Variants in RHOBTB2 observed in about 807,000 individuals in gnomAD.
The protein encoded by RHOBTB2 is rho-related BTB domain-containing protein 2.
A neutral mutation model predicts 66.5 loss-of-function variants in RHOBTB2; 39 were observed. The observed-to-expected ratio is 0.59, with a 90% CI of 0.45 to 0.77. RHOBTB2 has a LOEUF of 0.77. Ranked by LOEUF, RHOBTB2 falls within the 30% of genes least tolerant of loss-of-function variation. The probability of loss-of-function intolerance (pLI) is 0.00; values close to 1 mark genes in which losing one functional copy is unlikely to be tolerated. For missense variants in RHOBTB2, 755 were observed against 999.1 expected, an observed-to-expected ratio of 0.76 and a Z score of 3.29; for synonymous variants, 390 against 395.0, an observed-to-expected ratio of 0.99 and a Z score of 0.15.
chr8:22,993,407 G>A (rs1010016963), intron 2 of RHOBTB2, among the ~76,000 whole-genome samples: 1 of 152,148 alleles, frequency 6.6e-6, no homozygotes, highest in Admixed American at 6.5e-5. Flanking sequence ...AGATGGCAGA[G>A]GCACAAATGG....
chr8:22,989,996 G>C (rs1810385188), intron 1 of RHOBTB2, among the ~76,000 whole-genome samples: 1 of 152,142 alleles, frequency 6.6e-6, no homozygotes, highest in African/African-American at 2.4e-5. Context: ...GGATTGTTTT[G>C]AAATTTAAAT....
At chr8:22,990,789 C>A (rs953152711) in intron 1 of RHOBTB2, among the ~76,000 whole-genome samples, 1 of 152,168 alleles carries the variant, frequency 6.6e-6, no homozygotes, top group Non-Finnish European at 1.5e-5. Flanking sequence ...CCGCTCAACC[C>A]AGGCCCCCGC....
chr8:22,993,185 G>A (rs1228809682), intron 2 of RHOBTB2, among the ~76,000 whole-genome samples: 1 of 152,098 alleles, frequency 6.6e-6, no homozygotes, highest in Non-Finnish European at 1.5e-5. Flanking sequence ...GGGAGAATGT[G>A]TTCTTGCTCT....
chr8:22,993,128 G>A (rs763566883), intron 2 of RHOBTB2, among the ~76,000 whole-genome samples: 17 of 152,200 alleles, frequency 1.1e-4, no homozygotes, highest in South Asian at 2.1e-4. Context: ...GCCAAGGTGC[G>A]CATGGGATTT....
chr8:22,999,518 G>A (rs1810692346), upstream of RHOBTB2: 2 of 1,037,452 alleles, frequency 1.9e-6, no homozygotes, highest in African/African-American at 1.8e-5. Context: ...CCCCCCGAAC[G>A]CTTTCCACCA....
upstream of RHOBTB2, chr8:22,994,606 C>T: frequency 5.2e-6 from 8 of 1,551,606 alleles, no homozygotes; most frequent in Non-Finnish European, 7.0e-6. Flanking sequence ...AGAAAAGGCC[C>T]CGATGGCCCC....
the RHOBTB2 span, among the ~76,000 whole-genome samples, chr8:22,951,314 C>T: frequency 7.5e-6 from 1 of 133,492 alleles, no homozygotes; most frequent in African/African-American, 2.9e-5. Flanking sequence ...TGCAGTGGCG[C>T]GATCTCAGCT....
At chr8:22,965,494 A>G in the RHOBTB2 span, among the ~76,000 whole-genome samples, 1 of 152,230 alleles carries the variant, frequency 6.6e-6, no homozygotes, top group Admixed American at 6.5e-5. Context: ...AAAAAGCACA[A>G]TAAAGTTAGA....
the RHOBTB2 span, among the ~76,000 whole-genome samples, chr8:22,968,311 A>AAT: frequency 6.6e-6 from 1 of 152,140 alleles, no homozygotes; most frequent in Non-Finnish European, 1.5e-5. Context: ...TTAAATCATA[A>AAT]ATATATATGG....
Position 23,007,264 on chromosome 8 carries a change from T to A in RHOBTB2, c.1019T>A (p.Leu340His). 1 of 1,612,942 alleles carries A rather than the reference T, an allele frequency of 6.2e-7. No homozygotes were observed. The highest frequency in any genetic ancestry group is 8.5e-7 in the Non-Finnish European group (1 of 1,179,964). Residue 340 changes from leucine to histidine, a missense_variant, in exon 5 of 10, where the codon CTC becomes CAC. Transcript: ENST00000251822. ...HHHHHGRDFL[L>H]RAASFDVCES... ...CACCACCATGGGCGAGACTTCCTGC[T>A]CCGAGCAGCCAGCTTTGACGTGTGC... is the stretch of plus-strand genomic sequence containing the variant.
the RHOBTB2 span, among the ~76,000 whole-genome samples, chr8:22,960,967 G>A: frequency 6.6e-6 from 1 of 152,318 alleles, no homozygotes; most frequent in Non-Finnish European, 1.5e-5. Flanking sequence ...TAGCCTGCTT[G>A]TAACCATGGA....
At chr8:22,956,765 A>T in the RHOBTB2 span, among the ~76,000 whole-genome samples, 1 of 152,148 alleles carries the variant, frequency 6.6e-6, no homozygotes, top group African/African-American at 2.4e-5. Context: ...GGATTCAGGC[A>T]ACTCTCCCGC....
chr8:23,004,373 A>C lies in RHOBTB2; in HGVS notation c.-10-52A>C. 1 of 1,527,244 alleles carries C rather than the reference A, an allele frequency of 6.5e-7. No individual in the cohort carries two copies. Among genetic ancestry groups the C allele is most frequent in the South Asian group, 1.1e-5 (1 of 88,846 alleles). 94.6% of individuals were successfully genotyped at this position (1,527,244 alleles called of 1,614,324 possible). A position where few individuals can be genotyped will look rare whatever the true frequency, so the allele number is the denominator to read the frequency against. ...GAGCTGCGGGTGCTGGCCCTGGCCCACGGCGAGCTGGCATGCCATGCCGTC... is the reference window on the plus strand; with the variant it reads ...GAGCTGCGGGTGCTGGCCCTGGCCCCCGGCGAGCTGGCATGCCATGCCGTC... On this transcript the variant is annotated intron_variant, in intron 1 of 9. Transcript: ENST00000251822. This position sits in a 1 kb window ranked among gnomAD's most constrained non-coding sequence, Gnocchi z 6.4.
rs201459750 is a variant in RHOBTB2, at chr8:23,006,851, C to T, written c.606C>T (p.Asn202=). The T allele has an allele frequency of 8.7e-6, 14 of 1,614,154 alleles. No homozygotes were observed. Among genetic ancestry groups the T allele is most frequent in the African/African-American group, 6.7e-5 (5 of 75,030 alleles). ...AQFGIKDVFD[N]AIRAALISRR... Reference sequence around the variant, plus strand: ...TCGGCATCAAGGACGTCTTTGACAACGCCATCCGAGCTGCACTCATCTCCC... The same window carrying T: ...TCGGCATCAAGGACGTCTTTGACAATGCCATCCGAGCTGCACTCATCTCCC... Residue 202 remains asparagine (N), a synonymous_variant, in exon 5 of 10, where the codon AAC becomes AAT. Transcript: ENST00000251822. This position sits in a 1 kb window ranked among gnomAD's most constrained non-coding sequence, Gnocchi z 6.1.
chr8:22,994,253 T>C (rs943793345), intron 2 of RHOBTB2, among the ~76,000 whole-genome samples: 1 of 152,214 alleles, frequency 6.6e-6, no homozygotes, highest in East Asian at 1.9e-4. Context: ...CTCCGATGCA[T>C]GACTGACCGC....
intron 7 of RHOBTB2, among the ~76,000 whole-genome samples, chr8:23,012,603 G>T (rs1811179656): frequency 6.6e-6 from 1 of 152,054 alleles, no homozygotes; most frequent in African/African-American, 2.4e-5. Context: ...ATATGTTCAG[G>T]TTACTGAATT....
chr8:22,971,034 C>T, the RHOBTB2 span, among the ~76,000 whole-genome samples: 2 of 152,134 alleles, frequency 1.3e-5, no homozygotes, highest in Non-Finnish European at 2.9e-5. Flanking sequence ...AGTTACGAGA[C>T]AAAAACCACC....
At chr8:22,995,945 TGGA>T, upstream of RHOBTB2, 1 of 1,482,894 alleles carries the variant, frequency 6.7e-7, no homozygotes, top group Non-Finnish European at 9.2e-7. Flanking sequence ...AGGTGCAGGT[TGGA>T]GGATGGACTG....
At chr8:23,001,899 C>T (rs1351248821) in intron 1 of RHOBTB2, among the ~76,000 whole-genome samples, 2 of 152,198 alleles carry the variant, frequency 1.3e-5, no homozygotes, top group Non-Finnish European at 2.9e-5. Context: ...TGTCTAAACT[C>T]ATGGCACAGT....
Sources: allele counts gnomAD v4.1 joint callset (sites outside exome capture counted in the v4.1 genomes callset), GRCh38; gene constraint gnomAD v4.1.1; non-coding constraint Gnocchi (gnomAD v3.1); transcripts MANE v1.5; gene names NCBI Gene and HGNC (gene_info 2026-07-23, HGNC 2026-07-21).